Variants in PIK3C2G observed in about 807,000 individuals in gnomAD.
PIK3C2G encodes the protein phosphatidylinositol-4-phosphate 3-kinase catalytic subunit type 2 gamma.
In PIK3C2G, 168 loss-of-function variants were observed where a neutral mutation model predicts 181.1. The observed-to-expected ratio is 0.93, with a 90% confidence interval of 0.82 to 1.05. PIK3C2G has a LOEUF of 1.05. PIK3C2G is among the 50% of genes least tolerant of loss of function. PIK3C2G has a pLI of 0.00. For missense variants in PIK3C2G, 1,869 were observed against 1,732.8 expected (o/e 1.08, Z -1.40); for synonymous variants, 573 against 592.2 (o/e 0.97, Z 0.47).
In PIK3C2G at chr12:18,423,977, T is replaced by G; in HGVS notation, c.2442T>G (p.Pro814=). The change falls in exon 18 of 33, where the codon CCT becomes CCG. Residue 814 remains proline (P), a synonymous_variant. Transcript: ENST00000538779. Reference sequence around the variant, plus strand: ...AGTTTGAATGGAACCTTGAGAGTCCTTTAGTGCAACTTCTACTCCACCGCT... The same window carrying G: ...AGTTTGAATGGAACCTTGAGAGTCCGTTAGTGCAACTTCTACTCCACCGCT... The part of the protein sequence containing the change: ...AVKFEWNLES[P]LVQLLLHRSL... The G allele has an allele frequency of 1.2e-6, 2 of 1,611,592 alleles. No individual in the cohort carries two copies. Among genetic ancestry groups the G allele is most frequent in the South Asian group, 2.2e-5 (2 of 90,522 alleles).
At chr12:18,674,607 A>G in the PIK3C2G span, among the ~76,000 whole-genome samples, 1 of 152,118 alleles carries the variant, frequency 6.6e-6, no homozygotes, top group Non-Finnish European at 1.5e-5. Flanking sequence ...GTAAACCTAC[A>G]TTTTCTTGCT....
In PIK3C2G at chr12:18,391,148, G is replaced by A. The variant is rs1260928492; in HGVS notation, c.2022G>A (p.Glu674=). 6.2e-7 allele frequency: 1 copy of A among 1,607,030 alleles called. No homozygotes were observed. Among genetic ancestry groups the A allele is most frequent in the Admixed American group, 1.7e-5 (1 of 59,326 alleles). ...LQIDFPATGW[E]YMKPDSEENR... ...TTGATTTTCCAGCTACTGGGTGGGA[G>A]TATATGAAACCTGATTCTGAAGAGA... The change falls in exon 15 of 33, where the codon GAG becomes GAA. Residue 674 remains glutamate, a synonymous_variant. Coordinates refer to ENST00000538779, the MANE Select transcript of PIK3C2G (RefSeq NM_001288772.2).
At chr12:18,465,454 T>G (rs1937756896) in intron 18 of PIK3C2G, among the ~76,000 whole-genome samples, 1 of 151,946 alleles carries the variant, frequency 6.6e-6, no homozygotes, top group Admixed American at 6.6e-5. Flanking sequence ...TAGAATCACT[T>G]TCTTTCTACC....
intron 6 of PIK3C2G, among the ~76,000 whole-genome samples, chr12:18,320,707 C>T (rs188110517): frequency 1.3e-4 from 20 of 152,316 alleles, no homozygotes; most frequent in South Asian, 2.1e-4. Flanking sequence ...AATGTTTGAC[C>T]TTGCTGATGC....
chr12:18,686,724 C>A, the PIK3C2G span, among the ~76,000 whole-genome samples: 286 of 152,150 alleles, frequency 1.9e-3, 1 homozygote, highest in Admixed American at 3.2e-3. Context: ...CTTATAGCAT[C>A]ATCTTTCACA....
intron 31 of PIK3C2G, among the ~76,000 whole-genome samples, chr12:18,615,330 G>GGGGTGTGT (rs1948546839): frequency 1.4e-5 from 2 of 138,140 alleles, no homozygotes; most frequent in African/African-American, 5.5e-5. Context: ...AGTATTCCAC[G>GGGGTGTGT]GTGTGTGTGT....
intron 26 of PIK3C2G, among the ~76,000 whole-genome samples, chr12:18,557,142 G>C (rs1477070846): frequency 6.6e-6 from 1 of 152,078 alleles, no homozygotes; most frequent in Non-Finnish European, 1.5e-5. Context: ...TCCAAGCTTA[G>C]ATAAGCATCA....
At chr12:18,494,432 C>G (rs1940837304) in intron 20 of PIK3C2G, among the ~76,000 whole-genome samples, 1 of 151,584 alleles carries the variant, frequency 6.6e-6, no homozygotes, top group Admixed American at 6.6e-5. Flanking sequence ...GTGTGTACCA[C>G]CAAATTTAAT....
chr12:18,661,633 A>G, the PIK3C2G span, among the ~76,000 whole-genome samples: 1 of 152,142 alleles, frequency 6.6e-6, no homozygotes, highest in Admixed American at 6.6e-5. Context: ...CTATTATTAA[A>G]AAGTCAAAAA....
intron 10 of PIK3C2G, among the ~76,000 whole-genome samples, chr12:18,345,965 A>G (rs780899296): frequency 1.1e-4 from 17 of 152,292 alleles, no homozygotes; most frequent in South Asian, 6.2e-4. Context: ...GAGGAAAACT[A>G]TTAGCTCCTA....
At chr12:18,720,582 A>T in the PIK3C2G span, among the ~76,000 whole-genome samples, 1 of 151,786 alleles carries the variant, frequency 6.6e-6, no homozygotes, top group Admixed American at 6.6e-5. Flanking sequence ...TGGGGGTAAT[A>T]ATAGGATCTA....
At chr12:18,467,805 T>A (rs1231328816) in intron 18 of PIK3C2G, among the ~76,000 whole-genome samples, 1 of 151,798 alleles carries the variant, frequency 6.6e-6, no homozygotes, top group East Asian at 1.9e-4. Context: ...ATCCAGCACA[T>A]CTTATAGAAA....
intron 32 of PIK3C2G, among the ~76,000 whole-genome samples, chr12:18,641,756 T>C (rs1313940891): frequency 6.8e-6 from 1 of 146,060 alleles, no homozygotes; most frequent in Non-Finnish European, 1.5e-5. Flanking sequence ...TTTTTTTTTT[T>C]TTTTTTTGAG....
At chr12:18,523,822 C>T (rs773347970) in intron 24 of PIK3C2G, among the ~76,000 whole-genome samples, 1 of 152,226 alleles carries the variant, frequency 6.6e-6, no homozygotes, top group South Asian at 2.1e-4. Flanking sequence ...ACTGGTAGGA[C>T]TGAGCAAGTT....
At position 18,505,313 on chromosome 12, in the gene PIK3C2G, T is replaced by C; in HGVS notation, c.3175T>C (p.Ser1059Pro). Residue 1059 changes from serine to proline, a missense_variant, in exon 24 of 33, where the codon TCC becomes CCC. Ser to Pro is a moderately conservative substitution (Grantham distance 74). Coordinates refer to ENST00000538779, the MANE Select transcript of PIK3C2G (RefSeq NM_001288772.2). Reference protein sequence around the residue: ...YEKALRNFFYSCAGWCVVTFI... With the variant: ...YEKALRNFFYPCAGWCVVTFI... ...TTAGGCCTTGAGGAACTTTTTCTAC[T>C]CCTGTGCTGGCTGGTGTGTGGTAAC... 6.2e-7 allele frequency: 1 copy of C among 1,606,726 alleles called. No homozygotes were observed. Among genetic ancestry groups the C allele is most frequent in the African/African-American group, 1.3e-5 (1 of 74,904 alleles).
chr12:18,708,565 A>G, the PIK3C2G span, among the ~76,000 whole-genome samples: 1 of 151,972 alleles, frequency 6.6e-6, no homozygotes, highest in Non-Finnish European at 1.5e-5. Flanking sequence ...TCTATTTTTT[A>G]TTTCTTTAGA....
chr12:18,287,343 G>T (rs1024890698), intron 3 of PIK3C2G, among the ~76,000 whole-genome samples: 12 of 152,024 alleles, frequency 7.9e-5, no homozygotes, highest in Admixed American at 5.2e-4. Context: ...ATCTTGAGTG[G>T]ATTGGCAGAA....
intron 8 of PIK3C2G, among the ~76,000 whole-genome samples, chr12:18,334,872 T>A (rs1006885494): frequency 6.6e-6 from 1 of 152,088 alleles, no homozygotes; most frequent in African/African-American, 2.4e-5. Context: ...TGCATTTGTA[T>A]ATGTATGTGT....
chr12:18,718,388 T>C, the PIK3C2G span, among the ~76,000 whole-genome samples: 3 of 152,104 alleles, frequency 2.0e-5, no homozygotes, highest in Admixed American at 2.0e-4. Flanking sequence ...TATGACACTA[T>C]CTTAAGGAAA....
Sources: allele counts gnomAD v4.1 joint callset (sites outside exome capture counted in the v4.1 genomes callset), GRCh38; gene constraint gnomAD v4.1.1; transcripts MANE v1.5; gene names NCBI Gene and HGNC (gene_info 2026-07-23, HGNC 2026-07-21).